ANO3: variants seen among roughly 807,000 people sequenced by gnomAD.
ANO3 encodes anoctamin-3.
In ANO3, 99 loss-of-function variants were observed where a neutral mutation model predicts 144.8. That is an observed-to-expected ratio of 0.68 (90% confidence interval 0.58 to 0.81). The LOEUF (loss-of-function observed/expected upper bound fraction) is 0.81. Ranked by LOEUF, ANO3 falls within the 30% of genes least tolerant of loss-of-function variation. The pLI is 0.00. For synonymous variants in ANO3, 414 were observed against 392.6 expected (o/e 1.05, Z -0.64); for missense variants, 905 against 1,202.2 (o/e 0.75, Z 3.66).
intron 21 of ANO3, among the ~76,000 whole-genome samples, chr11:26,641,175 T>A (rs887412754): frequency 6.6e-6 from 1 of 150,874 alleles, no homozygotes; most frequent in African/African-American, 2.4e-5. Flanking sequence ...AAGAAAACAG[T>A]ATTGTTACTT....
At chr11:26,469,651 C>T (rs1859712220) in intron 4 of ANO3, among the ~76,000 whole-genome samples, 1 of 151,776 alleles carries the variant, frequency 6.6e-6, no homozygotes, top group Admixed American at 6.6e-5. Flanking sequence ...GATAGACTTA[C>T]TATTTAGATA....
chr11:26,656,095 G>C (rs1370315335), intron 24 of ANO3, 30 bp from the exon 25 acceptor site: 1 of 1,518,408 alleles, frequency 6.6e-7, no homozygotes, highest in Non-Finnish European at 9.1e-7. Context: ...ATGAATCTTT[G>C]AATCACATGA....
intron 4 of ANO3, among the ~76,000 whole-genome samples, chr11:26,502,186 A>C (rs1861222896): frequency 6.6e-6 from 1 of 152,220 alleles, no homozygotes; most frequent in Non-Finnish European, 1.5e-5. Flanking sequence ...ATTGGAAAAC[A>C]AGTAAAATCG....
chr11:26,484,023 A>G (rs938525552), intron 4 of ANO3, among the ~76,000 whole-genome samples: 5 of 152,164 alleles, frequency 3.3e-5, no homozygotes, highest in African/African-American at 1.2e-4. Flanking sequence ...GAGATCTGGA[A>G]ATTTGAACTT....
intron 18 of ANO3, among the ~76,000 whole-genome samples, chr11:26,632,228 C>T (rs1288542667): frequency 1.4e-5 from 2 of 146,212 alleles, no homozygotes; most frequent in Non-Finnish European, 3.0e-5. Context: ...GTTTGACTGT[C>T]ATATCTGACA....
At chr11:26,402,444 T>C (rs1006732754) in intron 1 of ANO3, among the ~76,000 whole-genome samples, 1 of 152,094 alleles carries the variant, frequency 6.6e-6, no homozygotes, top group African/African-American at 2.4e-5. Flanking sequence ...ATGTCTGCTT[T>C]TGAAAAGTGT....
chr11:26,531,088 AG>A lies in ANO3; in HGVS notation c.738-115del, dbSNP rs1849359257. The A allele has an allele frequency of 2.9e-5, 32 of 1,111,034 alleles. No homozygotes were observed. The South Asian group carries it at 4.6e-4, about 16-fold the overall frequency. The allele number at this position is 1,111,034 out of a possible 1,614,324, so 68.8% of individuals were successfully genotyped here. On this transcript the variant is annotated intron_variant, in intron 7 of 26. Coordinates refer to ENST00000256737, the MANE Select transcript of ANO3 (RefSeq NM_031418.4). ...ATGCACGTGTATGTGTGGTGTGTGT[AG>A]GTTTGTGTATCTCTTTTCAAAGAAG...
intron 1 of ANO3, among the ~76,000 whole-genome samples, chr11:26,246,934 CTT>C (rs1464615600): frequency 6.6e-6 from 1 of 152,170 alleles, no homozygotes; most frequent in Non-Finnish European, 1.5e-5. Context: ...CATTGAATCT[CTT>C]TCTCCTTATT....
intron 1 of ANO3, among the ~76,000 whole-genome samples, chr11:26,420,677 T>G (rs1179799415): frequency 6.6e-6 from 1 of 152,088 alleles, no homozygotes; most frequent in South Asian, 2.1e-4. Flanking sequence ...GGTTCTTATA[T>G]CTTGTTCCTT....
chr11:26,220,696 A>G (rs1316011004), intron 1 of ANO3, among the ~76,000 whole-genome samples: 1 of 152,168 alleles, frequency 6.6e-6, no homozygotes, highest in Non-Finnish European at 1.5e-5. Context: ...CTATTTATGG[A>G]TCAGACATCT....
intron 5 of ANO3, among the ~76,000 whole-genome samples, chr11:26,514,824 A>G (rs909770936): frequency 2.6e-5 from 4 of 152,102 alleles, no homozygotes; most frequent in Non-Finnish European, 5.9e-5. Flanking sequence ...ATGTATGCTT[A>G]CACTTTACGT....
chr11:26,557,460 CAAA>C (rs527754155), intron 13 of ANO3, among the ~76,000 whole-genome samples: 6 of 108,690 alleles, frequency 5.5e-5, no homozygotes, highest in Admixed American at 1.0e-4. Flanking sequence ...GACTCTGTCT[CAAA>C]AAAAAAAAAA....
At chr11:26,340,102 G>A (rs1307770971) in intron 1 of ANO3, among the ~76,000 whole-genome samples, 1 of 152,176 alleles carries the variant, frequency 6.6e-6, no homozygotes, top group Non-Finnish European at 1.5e-5. Flanking sequence ...ATTGGTTGTG[G>A]TACATTTCTT....
intron 1 of ANO3, among the ~76,000 whole-genome samples, chr11:26,408,356 C>T (rs2133982768): frequency 6.6e-6 from 1 of 151,540 alleles, no homozygotes; most frequent in Non-Finnish European, 1.5e-5. Flanking sequence ...TTTATGCAGC[C>T]AAAAAACACA....
At chr11:26,192,576 T>A (rs763863776) in intron 1 of ANO3, among the ~76,000 whole-genome samples, 37 of 152,232 alleles carry the variant, frequency 2.4e-4, no homozygotes, top group Non-Finnish European at 4.9e-4. Context: ...TATCTCATAA[T>A]ACAGAATCTC....
At chr11:26,622,152 T>C (rs982838857) in intron 17 of ANO3, among the ~76,000 whole-genome samples, 1 of 152,220 alleles carries the variant, frequency 6.6e-6, no homozygotes, top group African/African-American at 2.4e-5. Context: ...CCTTGGATGA[T>C]GCAGGTTTGC....
intron 1 of ANO3, among the ~76,000 whole-genome samples, chr11:26,209,134 A>ATCCC (rs1851878428): frequency 6.6e-6 from 1 of 152,084 alleles, no homozygotes; most frequent in Admixed American, 6.5e-5. Flanking sequence ...TCCTAATGCT[A>ATCCC]TCCCTCCCCT....
At chr11:26,611,826 C>G (rs1852106950) in intron 17 of ANO3, among the ~76,000 whole-genome samples, 1 of 151,492 alleles carries the variant, frequency 6.6e-6, no homozygotes, top group African/African-American at 2.4e-5. Context: ...TTGTTATACC[C>G]TCTTGTTGAA....
chr11:26,279,229 CAG>C (rs569135011), intron 1 of ANO3, among the ~76,000 whole-genome samples: 36 of 152,180 alleles, frequency 2.4e-4, no homozygotes, highest in African/African-American at 6.5e-4. Context: ...GGTCTGGAAA[CAG>C]AGAAATTGAA....
Sources: gnomAD v4.1 joint callset for allele counts (sites outside exome capture counted in the v4.1 genomes callset) on GRCh38, gnomAD v4.1.1 for gene constraint, MANE v1.5 for transcripts, NCBI Gene and HGNC (gene_info 2026-07-23, HGNC 2026-07-21) for gene names.